Variants in PTPN20 observed in about 807,000 individuals in gnomAD.
PTPN20 encodes tyrosine-protein phosphatase non-receptor type 20.
In PTPN20, 9 loss-of-function variants were observed where a neutral mutation model predicts 35.0. The observed-to-expected ratio is 0.26, with a 90% CI of 0.15 to 0.45. PTPN20 has a LOEUF of 0.45. Among genes scored for constraint, PTPN20 ranks in the 20% least tolerant of loss-of-function variants. The pLI is 1.00. For missense variants in PTPN20, 111 were observed against 312.5 expected (o/e 0.36, Z 4.86); for synonymous variants, 32 against 100.2 (o/e 0.32, Z 4.06).
rs2059968974 is a variant in PTPN20, at chr10:47,000,929, C to T, written c.*188C>T. ...TTTGGCTTGGGGTGATCAGTGTTTA[C>T]TTATTGATCTTGCTAGACAATATCA... On this transcript the variant is annotated 3_prime_UTR_variant, in exon 11 of 11. Transcript: ENST00000374339. The T allele has an allele frequency of 5.9e-6, 4 of 675,674 alleles. No homozygotes were observed. The South Asian group carries it at 7.0e-5, about 12-fold the overall frequency. The allele number at this position is 675,674 out of a possible 1,614,324, so 41.9% of individuals were successfully genotyped here. A position where few individuals can be genotyped will look rare whatever the true frequency, so the allele number is the denominator to read the frequency against.
At chr10:46,949,208 C>G (rs1469662593) in intron 5 of PTPN20, among the ~76,000 whole-genome samples, 2 of 152,166 alleles carry the variant, frequency 1.3e-5, no homozygotes, top group African/African-American at 4.8e-5. Context: ...AATGGTTCTT[C>G]CCGTTTCCTG....
intron 9 of PTPN20, among the ~76,000 whole-genome samples, chr10:46,995,322 ATTTTTTTTTTCTTTTT>A (rs1388391434): frequency 1.1e-5 from 1 of 87,606 alleles, no homozygotes; most frequent in Non-Finnish European, 2.3e-5. Context: ...TACCTGTCGA[ATTTTTTTTTTCTTTTT>A]TTTTTTTTTT....
intron 2 of PTPN20, among the ~76,000 whole-genome samples, chr10:46,936,649 CT>C (rs2041751181): frequency 6.8e-6 from 1 of 148,018 alleles, no homozygotes; most frequent in African/African-American, 2.5e-5. Flanking sequence ...TTGGGAAAAA[CT>C]GATTTTAACC....
At position 47,001,985 on chromosome 10, in the gene PTPN20, A is replaced by G. The variant is rs2060078374; in HGVS notation, c.*1244A>G. 1 of 152,240 alleles carries G rather than the reference A, an allele frequency of 6.6e-6. No individual in the cohort carries two copies. Among genetic ancestry groups the G allele is most frequent in the East Asian group, 1.9e-4 (1 of 5,194 alleles). The allele number at this position is 152,240 out of a possible 1,614,324, so 9.4% of individuals were successfully genotyped here. On this transcript the variant is annotated 3_prime_UTR_variant, in exon 11 of 11. Coordinates refer to ENST00000374339, the MANE Select transcript of PTPN20 (RefSeq NM_001042357.5). ...ATCAGAATATTCTATGTATTGAGAAAATGTTTAATATCAATCTATAAATCT... is the reference window on the plus strand; with the variant it reads ...ATCAGAATATTCTATGTATTGAGAAGATGTTTAATATCAATCTATAAATCT...
intron 7 of PTPN20, among the ~76,000 whole-genome samples, chr10:46,968,746 A>G (rs1329173062): frequency 6.8e-6 from 1 of 147,400 alleles, no homozygotes; most frequent in Non-Finnish European, 1.5e-5. Flanking sequence ...CCCTCTTCTT[A>G]TATTCTATAT....
intron 2 of PTPN20, among the ~76,000 whole-genome samples, chr10:46,934,970 CAT>C (rs1488287657): frequency 4.7e-4 from 66 of 141,890 alleles, no homozygotes; most frequent in Non-Finnish European, 9.2e-4. Context: ...AATAAAGTAA[CAT>C]GTGCATTTAT....
chr10:46,992,584 G>T (rs1409748082), intron 9 of PTPN20, among the ~76,000 whole-genome samples: 2 of 152,198 alleles, frequency 1.3e-5, no homozygotes, highest in African/African-American at 4.8e-5. Context: ...AGGTCAGTTT[G>T]TTTGTTTCTT....
At chr10:46,980,094 C>T (rs1409545090) in intron 7 of PTPN20, among the ~76,000 whole-genome samples, 2 of 146,900 alleles carry the variant, frequency 1.4e-5, no homozygotes, top group African/African-American at 2.5e-5. Flanking sequence ...CCTTCTACTT[C>T]AGTGAAATTT....
rs1343420156 is a variant in PTPN20, at chr10:47,002,214, A to G, written c.*1473A>G. ...TTGATAATTGGCCTTTAATATTTGTATCTCTAATTTTATTTTCTCTCTGTT... is the reference window on the plus strand; with the variant it reads ...TTGATAATTGGCCTTTAATATTTGTGTCTCTAATTTTATTTTCTCTCTGTT... On this transcript the variant is annotated 3_prime_UTR_variant, in exon 11 of 11. Coordinates refer to ENST00000374339, the MANE Select transcript of PTPN20 (RefSeq NM_001042357.5). 2 of 152,356 alleles carry G rather than the reference A, an allele frequency of 1.3e-5. No homozygotes were observed. Among genetic ancestry groups the G allele is most frequent in the African/African-American group, 4.8e-5 (2 of 41,434 alleles). The allele number at this position is 152,356 out of a possible 1,614,324, so 9.4% of individuals were successfully genotyped here.
intron 2 of PTPN20, among the ~76,000 whole-genome samples, chr10:46,935,827 G>C (rs2041426700): frequency 6.6e-6 from 1 of 152,234 alleles, no homozygotes; most frequent in African/African-American, 2.4e-5. Flanking sequence ...CCAGTGATGT[G>C]ATTGCTGAAT....
intron 9 of PTPN20, among the ~76,000 whole-genome samples, chr10:46,998,241 A>G (rs946495098): frequency 2.0e-5 from 3 of 152,200 alleles, no homozygotes; most frequent in Non-Finnish European, 4.4e-5. Flanking sequence ...CCTTCAACAA[A>G]TTGATGGTTA....
At chr10:46,982,479 T>C (rs2055714255) in intron 7 of PTPN20, among the ~76,000 whole-genome samples, 1 of 152,144 alleles carries the variant, frequency 6.6e-6, no homozygotes, top group Non-Finnish European at 1.5e-5. Flanking sequence ...CTGTGTCTTT[T>C]ACCATTTTAA....
intron 7 of PTPN20, among the ~76,000 whole-genome samples, chr10:46,976,213 C>T (rs1251080114): frequency 5.7e-5 from 7 of 121,798 alleles, no homozygotes; most frequent in African/African-American, 1.2e-4. Context: ...TCTGTCTCAG[C>T]CTCCCAAGTA....
At chr10:46,997,455 C>T (rs1467973872) in intron 9 of PTPN20, among the ~76,000 whole-genome samples, 6 of 150,448 alleles carry the variant, frequency 4.0e-5, no homozygotes, top group African/African-American at 1.5e-4. Flanking sequence ...GATCTGTATA[C>T]AATCTGTATA....
Position 47,000,820 on chromosome 10 carries a change from T to C in PTPN20, c.*79T>C, listed in dbSNP as rs2059958473. 1 of 1,541,962 alleles carries C rather than the reference T, an allele frequency of 6.5e-7. No individual in the cohort carries two copies. Among genetic ancestry groups the C allele is most frequent in the South Asian group, 1.1e-5 (1 of 89,608 alleles). On this transcript the variant is annotated 3_prime_UTR_variant, in exon 11 of 11. Transcript: ENST00000374339. ...CATAAAGAACATGTTTGCACTGTGC[T>C]GAAGGGCTTTGCTATGCATACAATC...
At chr10:46,952,157 G>A (rs1332008016) in intron 5 of PTPN20, among the ~76,000 whole-genome samples, 4 of 141,190 alleles carry the variant, frequency 2.8e-5, no homozygotes, top group Non-Finnish European at 4.6e-5. Flanking sequence ...TGAGAACCTC[G>A]CTTGTGCCCT....
At chr10:46,951,486 A>G (rs1175969750) in intron 5 of PTPN20, among the ~76,000 whole-genome samples, 3 of 152,242 alleles carry the variant, frequency 2.0e-5, no homozygotes, top group Non-Finnish European at 4.4e-5. Context: ...ACTTTCATGA[A>G]CATTCTTAAT....
chr10:46,919,075 C>CT (rs1308668831), intron 1 of PTPN20, among the ~76,000 whole-genome samples: 2 of 145,028 alleles, frequency 1.4e-5, no homozygotes, highest in Non-Finnish European at 3.0e-5. Flanking sequence ...TTTTTAAAGT[C>CT]TATGTTGTCG....
At chr10:46,928,359 T>C (rs1310965941) in intron 1 of PTPN20, among the ~76,000 whole-genome samples, 2 of 151,740 alleles carry the variant, frequency 1.3e-5, no homozygotes, top group African/African-American at 4.9e-5. Context: ...TTATTTTAAT[T>C]GAAGTACATT....
Sources: gnomAD v4.1 joint callset for allele counts (sites outside exome capture counted in the v4.1 genomes callset) on GRCh38, gnomAD v4.1.1 for gene constraint, MANE v1.5 for transcripts, NCBI Gene and HGNC (gene_info 2026-07-23, HGNC 2026-07-21) for gene names.